Variants in RGL1 observed in about 807,000 individuals in gnomAD.
RGL1 encodes ral guanine nucleotide dissociation stimulator like 1.
A neutral mutation model predicts 95.2 loss-of-function variants in RGL1; 24 were observed. That is an observed-to-expected ratio of 0.25 (90% CI 0.18 to 0.35). The LOEUF (loss-of-function observed/expected upper bound fraction) is 0.35, where lower values mean the gene tolerates loss of function less well. Among genes scored for constraint, RGL1 ranks in the 10% least tolerant of loss-of-function variants. RGL1 has a pLI of 1.00. For synonymous variants in RGL1, 329 were observed against 344.9 expected (o/e 0.95, Z 0.51); for missense variants, 715 against 936.3 (o/e 0.76, Z 3.08).
At chr1:183,851,452 G>T (rs923579363) in intron 3 of RGL1, among the ~76,000 whole-genome samples, 2 of 152,118 alleles carry the variant, frequency 1.3e-5, no homozygotes, top group African/African-American at 4.8e-5. Flanking sequence ...TTATATTCAT[G>T]ATTTTGTATT....
intron 1 of RGL1, among the ~76,000 whole-genome samples, chr1:183,650,724 A>G (rs1339128602): frequency 1.2e-5 from 1 of 82,506 alleles, no homozygotes; most frequent in Non-Finnish European, 2.7e-5. Context: ...TTTTTTTTTT[A>G]GAATAGATTA....
intron 1 of RGL1, among the ~76,000 whole-genome samples, chr1:183,726,447 C>G (rs1272725769): frequency 6.6e-6 from 1 of 151,868 alleles, no homozygotes; most frequent in African/African-American, 2.4e-5. Flanking sequence ...GGGGACATCT[C>G]TAAGATTCTT....
intron 1 of RGL1, among the ~76,000 whole-genome samples, chr1:183,708,170 A>G (rs1314697036): frequency 6.6e-6 from 1 of 152,192 alleles, no homozygotes; most frequent in Non-Finnish European, 1.5e-5. Context: ...CATGAGGCCT[A>G]AGGTCTGCAG....
chr1:183,907,058 A>G lies in RGL1; in HGVS notation c.1519A>G (p.Thr507Ala), dbSNP rs767645337. ...TGAAGCAGCTGCTGACGCCAGCACC[A>G]CCTCGCCCAAGCCTCGGAAGAGCAT... The part of the protein sequence containing the change: ...EIEAAADAST[T>A]SPKPRKSMVK... The change falls in exon 14 of 18, where the codon ACC (threonine) becomes GCC (alanine). Residue 507 changes from threonine to alanine, a missense_variant. Thr to Ala is a moderately conservative substitution (Grantham distance 58). Around this residue, in one of 3 missense-constraint regions of RGL1, gnomAD observed 330 missense variants for 429.6 expected, o/e 0.77. Transcript: ENST00000360851. 6.2e-7 allele frequency: 1 copy of G among 1,612,362 alleles called. No homozygotes were observed. The highest frequency in any genetic ancestry group is 8.5e-7 in the Non-Finnish European group (1 of 1,179,068).
At chr1:183,741,847 G>A (rs1419525584) in intron 1 of RGL1, among the ~76,000 whole-genome samples, 4 of 152,200 alleles carry the variant, frequency 2.6e-5, no homozygotes, top group African/African-American at 9.6e-5. Context: ...CCAAAGCCAA[G>A]TGATGAGCAG....
chr1:183,700,123 A>G (rs1164200300), intron 1 of RGL1, among the ~76,000 whole-genome samples: 1 of 152,120 alleles, frequency 6.6e-6, no homozygotes, highest in African/African-American at 2.4e-5. Flanking sequence ...TCCTACCCTC[A>G]ACCTGCTCAG....
chr1:183,916,154 G>T (rs1030966181), intron 15 of RGL1, among the ~76,000 whole-genome samples: 13 of 152,114 alleles, frequency 8.5e-5, no homozygotes, highest in Non-Finnish European at 1.0e-4. Flanking sequence ...TCTGGTGTCT[G>T]CTGCCACCTG....
At chr1:183,650,085 T>C (rs1650608278) in intron 1 of RGL1, among the ~76,000 whole-genome samples, 1 of 152,006 alleles carries the variant, frequency 6.6e-6, no homozygotes, top group Admixed American at 6.5e-5. Context: ...AGTGCTGGGA[T>C]TACAGGTGTG....
chr1:183,696,636 T>C (rs973003975), intron 1 of RGL1, among the ~76,000 whole-genome samples: 5 of 152,180 alleles, frequency 3.3e-5, no homozygotes, highest in Non-Finnish European at 7.3e-5. Flanking sequence ...AAGATAATGT[T>C]CTCTCCAATT....
chr1:183,667,883 C>A (rs755821283), intron 1 of RGL1, among the ~76,000 whole-genome samples: 9 of 152,084 alleles, frequency 5.9e-5, no homozygotes, highest in Non-Finnish European at 1.3e-4. Context: ...AATCTAAGTA[C>A]ACTTTCAAAT....
intron 1 of RGL1, among the ~76,000 whole-genome samples, chr1:183,673,253 C>T (rs1652591355): frequency 6.6e-6 from 1 of 152,188 alleles, no homozygotes; most frequent in Non-Finnish European, 1.5e-5. Flanking sequence ...AGTGTGTTTT[C>T]AGACCTGGAC....
At chr1:183,922,482 C>T in intron 17 of RGL1, 146 bp downstream of exon 17, 1 of 630,392 alleles carries the variant, frequency 1.6e-6, no homozygotes, top group Non-Finnish European at 2.8e-6. Context: ...CAAGGGTGAA[C>T]AACCGTGCCA....
chr1:183,859,372 T>A (rs1197930622), intron 3 of RGL1, among the ~76,000 whole-genome samples: 1 of 152,176 alleles, frequency 6.6e-6, no homozygotes, highest in East Asian at 1.9e-4. Flanking sequence ...AGGAGAGAAC[T>A]TTTTTTCTTT....
intron 1 of RGL1, among the ~76,000 whole-genome samples, chr1:183,721,476 C>T (rs1186106537): frequency 6.6e-6 from 1 of 152,226 alleles, no homozygotes; most frequent in East Asian, 1.9e-4. Flanking sequence ...CTTATTCACA[C>T]TGGGTGCAAT....
At chr1:183,657,412 G>A (rs1004992070) in intron 1 of RGL1, among the ~76,000 whole-genome samples, 1 of 152,108 alleles carries the variant, frequency 6.6e-6, no homozygotes, top group Non-Finnish European at 1.5e-5. Flanking sequence ...TTAGCATTAG[G>A]TATATCTCCT....
intron 15 of RGL1, among the ~76,000 whole-genome samples, chr1:183,913,095 G>A (rs184356826): frequency 9.9e-5 from 15 of 150,964 alleles, no homozygotes; most frequent in East Asian, 3.9e-4. Context: ...AAGAATTTCC[G>A]TCGAGTTTCT....
intron 4 of RGL1, among the ~76,000 whole-genome samples, chr1:183,872,415 C>G (rs1258264828): frequency 6.6e-6 from 1 of 152,076 alleles, no homozygotes; most frequent in Admixed American, 6.6e-5. Flanking sequence ...GAAATTGTTT[C>G]TGTTTTCTTT....
At chr1:183,744,930 C>CCA (rs1178140613) in intron 2 of RGL1, among the ~76,000 whole-genome samples, 1 of 152,074 alleles carries the variant, frequency 6.6e-6, no homozygotes, top group Non-Finnish European at 1.5e-5. Flanking sequence ...AGTATGAATA[C>CCA]CTTTAGTTTT....
intron 1 of RGL1, among the ~76,000 whole-genome samples, chr1:183,660,783 T>G (rs1381757293): frequency 6.6e-6 from 1 of 151,964 alleles, no homozygotes; most frequent in Admixed American, 6.6e-5. Context: ...CCACACCTAT[T>G]CCAAAATTGA....
Sources: gnomAD v4.1 joint callset for allele counts (sites outside exome capture counted in the v4.1 genomes callset) on GRCh38, gnomAD v4.1.1 for gene constraint, gnomAD v4.1.1 regional missense constraint, MANE v1.5 for transcripts, NCBI Gene and HGNC (gene_info 2026-07-23, HGNC 2026-07-21) for gene names.